PCDHGA5: variants seen among roughly 807,000 people sequenced by gnomAD.
PCDHGA5 encodes the protein protocadherin gamma-A5.
Under a neutral mutation model 56.7 loss-of-function variants are expected in PCDHGA5, and 36 were observed. That is an observed-to-expected ratio of 0.64 (90% CI 0.49 to 0.84). The LOEUF is 0.84. Ranked by LOEUF, PCDHGA5 falls within the 40% of genes least tolerant of loss-of-function variation. The pLI is 0.00. For missense variants in PCDHGA5, 1,305 were observed against 1,201.5 expected, an observed-to-expected ratio of 1.09 and a Z score of -1.27; for synonymous variants, 563 against 520.2, an observed-to-expected ratio of 1.08 and a Z score of -1.12.
rs200109132 is a variant in PCDHGA5 at position 141,365,789 on chromosome 5, G to T, written c.1459G>T (p.Val487Phe). The T allele has an allele frequency of 1.4e-3, 2,225 of 1,613,896 alleles. 4 individuals carry two copies. Among genetic ancestry groups the T allele is most frequent in the Non-Finnish European group, 1.6e-3 (1,930 of 1,179,890 alleles). The change falls in exon 1 of 4, where the codon GTC becomes TTC. Residue 487 changes from valine (V) to phenylalanine (F), a missense_variant. Val to Phe is a conservative substitution (Grantham distance 50). Transcript: ENST00000518069. Reference protein sequence around the residue: ...HDPDSGDNARVTYSLAEDTFQ... With the variant: ...HDPDSGDNARFTYSLAEDTFQ... ...CCCCGACAGCGGCGACAACGCTCGA[G>T]TCACCTACTCCCTGGCTGAAGACAC...
chr5:141,399,495 T>C, intron 1 of PCDHGA5: 1 of 1,614,034 alleles, frequency 6.2e-7, no homozygotes, highest in Non-Finnish European at 8.5e-7. Context: ...ACTTAGTCAG[T>C]GTACCCGAAA....
chr5:141,369,472 G>C (rs557451479), intron 1 of PCDHGA5, among the ~76,000 whole-genome samples: 3 of 152,128 alleles, frequency 2.0e-5, no homozygotes, highest in Non-Finnish European at 4.4e-5. Flanking sequence ...TTCTAGCCCA[G>C]CCTGGGCAAC....
intron 1 of PCDHGA5, chr5:141,415,400 C>T (rs754292889): frequency 2.5e-6 from 4 of 1,614,228 alleles, no homozygotes; most frequent in South Asian, 1.1e-5. Flanking sequence ...GTGTCCGGCT[C>T]GCACTTTGTG....
intron 1 of PCDHGA5, chr5:141,421,647 G>A: frequency 6.2e-7 from 1 of 1,613,872 alleles, no homozygotes; most frequent in Non-Finnish European, 8.5e-7. Context: ...ACGAAGTGGA[G>A]ATAAAAGTCA....
intron 1 of PCDHGA5, chr5:141,416,406 T>C (rs2096021956): frequency 6.6e-6 from 1 of 152,224 alleles, no homozygotes; most frequent in Non-Finnish European, 1.5e-5. Flanking sequence ...TTGTCTTTTT[T>C]GTTAAATTTT....
intron 1 of PCDHGA5, chr5:141,423,228 C>T (rs1321708353): frequency 6.2e-7 from 1 of 1,613,748 alleles, no homozygotes; most frequent in Non-Finnish European, 8.5e-7. Flanking sequence ...CTGTGGCCGA[C>T]AGCATCCCCG....
At chr5:141,370,927 T>A in intron 1 of PCDHGA5, 2 of 1,613,940 alleles carry the variant, frequency 1.2e-6, no homozygotes, top group Non-Finnish European at 1.7e-6. Context: ...GATCCGCACT[T>A]CTCTTTGATT....
intron 2 of PCDHGA5, among the ~76,000 whole-genome samples, chr5:141,498,944 A>G (rs1249475504): frequency 7.2e-6 from 1 of 139,096 alleles, no homozygotes; most frequent in Non-Finnish European, 1.6e-5. Flanking sequence ...AAAGAAAGAA[A>G]GAAAAAGAGA....
intron 1 of PCDHGA5, chr5:141,415,738 A>G (rs2095905853): frequency 5.6e-6 from 3 of 538,228 alleles, no homozygotes; most frequent in South Asian, 3.9e-5. Context: ...ATGTTTATTA[A>G]GGTTTTTTTT....
intron 1 of PCDHGA5, chr5:141,408,244 G>A (rs746604555): frequency 6.3e-7 from 1 of 1,585,990 alleles, no homozygotes; most frequent in Non-Finnish European, 8.6e-7. Context: ...CCGGCCCGCG[G>A]CAGGTGCTAT....
chr5:141,507,601 A>G (rs2099861935), intron 3 of PCDHGA5, among the ~76,000 whole-genome samples: 1 of 152,254 alleles, frequency 6.6e-6, no homozygotes, highest in South Asian at 2.1e-4. Flanking sequence ...TGAGGGAAAT[A>G]AACAGGTATA....
rs70988800 is a variant in PCDHGA5, at chr5:141,379,889, C to CTTTTTTTTTTTTTTTTTTTTTTTTT, written c.2421+13144_2421+13168dup. Among the ~76,000 whole-genome samples, 41 of 50,832 alleles carry CTTTTTTTTTTTTTTTTTTTTTTTTT rather than the reference C, an allele frequency of 8.1e-4. 4 individuals are homozygous for CTTTTTTTTTTTTTTTTTTTTTTTTT. The highest frequency in any genetic ancestry group is 1.7e-3 in the Admixed American group (6 of 3,578). The allele number at this position is 50,832 out of a possible 152,430, so 33.3% of individuals were successfully genotyped here. A position where few individuals can be genotyped will look rare whatever the true frequency, so the allele number is the denominator to read the frequency against. On this transcript the variant is annotated intron_variant, in intron 1 of 3. Coordinates refer to ENST00000518069, the MANE Select transcript of PCDHGA5 (RefSeq NM_018918.3). ...CTTATTTTATGGTCTGTGAAAGCCT[C>CTTTTTTTTTTTTTTTTTTTTTTTTT]TTTTTTTTTTTTTTTTTTTTTTTTT...
chr5:141,448,338 T>A (rs1053822287), intron 1 of PCDHGA5, among the ~76,000 whole-genome samples: 1 of 152,192 alleles, frequency 6.6e-6, no homozygotes, highest in African/African-American at 2.4e-5. Context: ...TATAGCCATG[T>A]ACCTCAATCT....
intron 1 of PCDHGA5, chr5:141,377,955 G>GTTT (rs1774497186): frequency 6.6e-6 from 1 of 152,022 alleles, no homozygotes; most frequent in African/African-American, 2.4e-5. Context: ...GTGTATCCAG[G>GTTT]GCAACTTGAA....
chr5:141,389,771 C>T lies in PCDHGA5; in HGVS notation c.2421+23020C>T, dbSNP rs1239854891. 4 of 1,613,088 alleles carry T rather than the reference C, an allele frequency of 2.5e-6. No homozygotes were observed. The Admixed American group carries it at 5.0e-5, about 20-fold the overall frequency. ...CGGGCGAAGTGCGCACAGCGCGTGC[C>T]TTAGGCGACAGGGACGCCGTCCGCC... is the stretch of plus-strand genomic sequence containing the variant. On this transcript the variant is annotated intron_variant, in intron 1 of 3. Coordinates refer to ENST00000518069, the MANE Select transcript of PCDHGA5 (RefSeq NM_018918.3).
chr5:141,374,903 C>T, intron 1 of PCDHGA5: 5 of 1,613,798 alleles, frequency 3.1e-6, no homozygotes, highest in Non-Finnish European at 4.2e-6. Flanking sequence ...TGAAGGAGTC[C>T]ACGGGGAAGT....
At chr5:141,488,331 T>C (rs535498873) in intron 1 of PCDHGA5, among the ~76,000 whole-genome samples, 22 of 152,218 alleles carry the variant, frequency 1.4e-4, no homozygotes, top group Non-Finnish European at 3.1e-4. Context: ...TACAGTTGGC[T>C]GATTCATAGA....
chr5:141,386,030 A>G (rs2090434667), intron 1 of PCDHGA5: 1 of 152,256 alleles, frequency 6.6e-6, no homozygotes, highest in African/African-American at 2.4e-5. Flanking sequence ...CATTTGTGAC[A>G]TAGGCAATTA....
chr5:141,478,179 A>C, intron 1 of PCDHGA5: 1 of 1,613,996 alleles, frequency 6.2e-7, no homozygotes, highest in Non-Finnish European at 8.5e-7. Context: ...GAGCAGAAAA[A>C]AAATCTCACC....
Sources: gnomAD v4.1 joint callset for allele counts (sites outside exome capture counted in the v4.1 genomes callset) on GRCh38, gnomAD v4.1.1 for gene constraint, MANE v1.5 for transcripts, NCBI Gene and HGNC (gene_info 2026-07-23, HGNC 2026-07-21) for gene names.